CRPPA: variants seen among roughly 807,000 people sequenced by gnomAD.
CRPPA encodes the protein CDP-L-ribitol pyrophosphorylase A.
A neutral mutation model predicts 52.0 loss-of-function variants in CRPPA; 43 were observed. The observed-to-expected ratio is 0.83, with a 90% confidence interval of 0.65 to 1.07. The LOEUF (loss-of-function observed/expected upper bound fraction) is 1.07. Among genes scored for constraint, CRPPA ranks in the 50% least tolerant of loss-of-function variants. CRPPA has a pLI of 0.00. For missense variants in CRPPA, 629 were observed against 551.7 expected, an observed-to-expected ratio of 1.14 and a Z score of -1.40; for synonymous variants, 250 against 203.5, an observed-to-expected ratio of 1.23 and a Z score of -1.94.
chr7:16,304,272 G>T (rs1859423), intron 4 of CRPPA, among the ~76,000 whole-genome samples: 1 of 152,012 alleles, frequency 6.6e-6, no homozygotes, highest in Non-Finnish European at 1.5e-5. Flanking sequence ...TCGCCCTGGT[G>T]GGGGTAGTGG....
rs918021123 is a variant in CRPPA at position 16,382,861 on chromosome 7, C to T, written c.535-6620G>A. Among the ~76,000 whole-genome samples the T allele has an allele frequency of 1.4e-4, 21 of 152,250 alleles. No homozygotes were observed. The South Asian group carries it at 1.5e-3, about 11-fold the overall frequency. ...GCTCCATCAGCTCCTTTAAGCACTT[C>T]TCTGTATTGGTTATTCTAGTTATAC... On this transcript the variant is annotated intron_variant, in intron 2 of 9. Transcript: ENST00000407010.
intron 1 of CRPPA, among the ~76,000 whole-genome samples, chr7:16,413,808 GA>G (rs1261534766): frequency 1.3e-5 from 2 of 152,136 alleles, no homozygotes; most frequent in Non-Finnish European, 2.9e-5. Context: ...GACTTTCATT[GA>G]TTTCCAAGCC....
chr7:16,340,222 A>G (rs1159612355), intron 3 of CRPPA, among the ~76,000 whole-genome samples: 1 of 152,120 alleles, frequency 6.6e-6, no homozygotes, highest in Non-Finnish European at 1.5e-5. Flanking sequence ...ACCCTAAAGG[A>G]ATGATACATG....
chr7:16,164,219 TG>T (rs1265473211), intron 9 of CRPPA, among the ~76,000 whole-genome samples: 1 of 152,208 alleles, frequency 6.6e-6, no homozygotes, highest in African/African-American at 2.4e-5. Flanking sequence ...TTTCATTCTT[TG>T]TTCTCTAATC....
intron 3 of CRPPA, among the ~76,000 whole-genome samples, chr7:16,351,916 T>C (rs1786165357): frequency 6.6e-6 from 1 of 152,174 alleles, no homozygotes; most frequent in Non-Finnish European, 1.5e-5. Context: ...TTACTGGATA[T>C]ACACTCAAAG....
intron 3 of CRPPA, among the ~76,000 whole-genome samples, chr7:16,330,024 G>GCTTC (rs1785510863): frequency 6.6e-6 from 1 of 152,130 alleles, no homozygotes; most frequent in African/African-American, 2.4e-5. Flanking sequence ...ACGGTATATC[G>GCTTC]CTTCCTTCTA....
chr7:16,383,296 G>T (rs1398650042), intron 2 of CRPPA, among the ~76,000 whole-genome samples: 3 of 152,228 alleles, frequency 2.0e-5, no homozygotes, highest in Non-Finnish European at 2.9e-5. Flanking sequence ...AGCGGTGGCT[G>T]CAGAACAGCG....
intron 9 of CRPPA, among the ~76,000 whole-genome samples, chr7:16,212,923 T>C (rs1782190225): frequency 6.6e-6 from 1 of 152,190 alleles, no homozygotes; most frequent in African/African-American, 2.4e-5. Flanking sequence ...TGTGCTTCTA[T>C]TGCTAAATCC....
chr7:16,387,086 TAC>T (rs373538470), intron 2 of CRPPA, among the ~76,000 whole-genome samples: 569 of 55,718 alleles, frequency 0.01, 17 homozygotes, highest in African/African-American at 0.057. Context: ...TATATATATA[TAC>T]ACACATATAT....
At chr7:16,368,296 T>C (rs1786661755) in intron 3 of CRPPA, among the ~76,000 whole-genome samples, 1 of 152,238 alleles carries the variant, frequency 6.6e-6, no homozygotes, top group Non-Finnish European at 1.5e-5. Context: ...TCTTTTGTTA[T>C]TTTCTTTAGA....
intron 5 of CRPPA, among the ~76,000 whole-genome samples, chr7:16,286,041 ATAAATATATATATAT>A (rs1562608399): frequency 0.069 from 840 of 12,238 alleles, 87 homozygotes; most frequent in Non-Finnish European, 0.086. Context: ...AAAAAAAAAT[ATAAATATATATATAT>A]ATATATATAT....
chr7:16,322,657 A>C (rs528801884), intron 3 of CRPPA, among the ~76,000 whole-genome samples: 2 of 152,292 alleles, frequency 1.3e-5, no homozygotes, highest in South Asian at 4.2e-4. Flanking sequence ...GCAGGATTTC[A>C]AAATTTCTAC....
intron 8 of CRPPA, among the ~76,000 whole-genome samples, chr7:16,227,132 A>G (rs1782673237): frequency 6.6e-6 from 1 of 151,846 alleles, no homozygotes; most frequent in African/African-American, 2.4e-5. Context: ...TTCTTTATCT[A>G]TCCATTTGTG....
At chr7:16,339,748 A>G (rs1219799230) in intron 3 of CRPPA, among the ~76,000 whole-genome samples, 1 of 152,198 alleles carries the variant, frequency 6.6e-6, no homozygotes, top group African/African-American at 2.4e-5. Flanking sequence ...AAGTAAACTC[A>G]TTTTCACAGG....
At chr7:16,392,177 T>C (rs1787462891) in intron 2 of CRPPA, among the ~76,000 whole-genome samples, 1 of 152,114 alleles carries the variant, frequency 6.6e-6, no homozygotes, top group Admixed American at 6.5e-5. Flanking sequence ...ACTATAATAT[T>C]TTATGAGGAA....
At chr7:16,099,310 GAAGGAAAAAACA>G (rs1781993710) in intron 9 of CRPPA, among the ~76,000 whole-genome samples, 1 of 148,620 alleles carries the variant, frequency 6.7e-6, no homozygotes, top group Admixed American at 6.8e-5. Context: ...AAAGGAAAGG[GAAGGAAAAAACA>G]AAGGAAAAAA....
rs558300682 is a variant in CRPPA, at chr7:16,308,293, A to G, written c.789+230T>C. Among the ~76,000 whole-genome samples the G allele has an allele frequency of 1.1e-3, 163 of 152,312 alleles. 1 individual carries two copies. Among genetic ancestry groups the G allele is most frequent in the Admixed American group, 1.2e-3 (18 of 15,292 alleles). ...TATCTACAGAGAGGAAGAAAAAGAA[A>G]AAAGTGAATAAACCAATCTCACAGG... is the stretch of plus-strand genomic sequence containing the variant. On this transcript the variant is annotated intron_variant, in intron 4 of 9. Coordinates refer to ENST00000407010, the MANE Select transcript of CRPPA (RefSeq NM_001101426.4).
intron 9 of CRPPA, among the ~76,000 whole-genome samples, chr7:16,213,350 T>A (rs910112248): frequency 2.6e-5 from 4 of 152,226 alleles, no homozygotes; most frequent in African/African-American, 9.6e-5. Context: ...GGACTTAGTC[T>A]AATTTAATTT....
chr7:16,414,525 T>C (rs1788147006), intron 1 of CRPPA, among the ~76,000 whole-genome samples: 1 of 152,164 alleles, frequency 6.6e-6, no homozygotes, highest in Non-Finnish European at 1.5e-5. Context: ...CATCAATTGA[T>C]AAATTGTGAG....
Sources: allele counts gnomAD v4.1 joint callset (sites outside exome capture counted in the v4.1 genomes callset), GRCh38; gene constraint gnomAD v4.1.1; transcripts MANE v1.5; gene names NCBI Gene and HGNC (gene_info 2026-07-23, HGNC 2026-07-21).